Variants in SCFD2 observed in about 807,000 individuals in gnomAD.
The protein encoded by SCFD2 is sec1 family domain containing 2.
Under a neutral mutation model 58.9 loss-of-function variants are expected in SCFD2, and 54 were observed. That is an observed-to-expected ratio of 0.92 (90% CI 0.74 to 1.15). SCFD2 has a LOEUF of 1.15. SCFD2 is among the 50% of genes most tolerant of loss of function. The probability of loss-of-function intolerance (pLI) is 0.00; values close to 1 mark genes in which losing one functional copy is unlikely to be tolerated. For synonymous variants in SCFD2, 321 were observed against 335.9 expected (o/e 0.96, Z 0.49); for missense variants, 805 against 836.6 (o/e 0.96, Z 0.47).
intron 4 of SCFD2, among the ~76,000 whole-genome samples, chr4:53,204,718 G>T (rs919381799): frequency 6.8e-6 from 1 of 146,334 alleles, no homozygotes; most frequent in Non-Finnish European, 1.5e-5. Context: ...CAGCATACTA[G>T]ATGAAAACAG....
intron 3 of SCFD2, among the ~76,000 whole-genome samples, chr4:53,300,715 G>C (rs1421644427): frequency 6.6e-6 from 1 of 151,948 alleles, no homozygotes; most frequent in Non-Finnish European, 1.5e-5. Flanking sequence ...CACTCCTCAG[G>C]AAACGTAAAA....
intron 7 of SCFD2, among the ~76,000 whole-genome samples, chr4:52,886,561 T>C (rs1267245753): frequency 2.6e-5 from 4 of 151,988 alleles, no homozygotes; most frequent in Non-Finnish European, 4.4e-5. Context: ...GTGGGCCGAG[T>C]AGGTGGGGCA....
chr4:53,052,891 G>T (rs886460221), intron 5 of SCFD2, among the ~76,000 whole-genome samples: 1 of 152,132 alleles, frequency 6.6e-6, no homozygotes, highest in Non-Finnish European at 1.5e-5. Flanking sequence ...ACACAAAAGA[G>T]CACACGCTGT....
At chr4:53,220,194 A>C (rs1729006722) in intron 4 of SCFD2, among the ~76,000 whole-genome samples, 1 of 152,186 alleles carries the variant, frequency 6.6e-6, no homozygotes, top group South Asian at 2.1e-4. Context: ...ATTTTTCTTC[A>C]TAGCACTGAT....
At chr4:53,201,248 C>T (rs1427631941) in intron 4 of SCFD2, among the ~76,000 whole-genome samples, 18 of 142,644 alleles carry the variant, frequency 1.3e-4, no homozygotes, top group African/African-American at 4.6e-4. Context: ...TTGTTCAATT[C>T]CCACCTATGA....
chr4:53,304,898 A>G (rs1034175414), intron 3 of SCFD2, among the ~76,000 whole-genome samples: 2 of 152,024 alleles, frequency 1.3e-5, no homozygotes, highest in Non-Finnish European at 2.9e-5. Context: ...TTTGGAGGAG[A>G]AGAGATGTTC....
At chr4:52,914,552 G>C (rs576243201) in intron 6 of SCFD2, among the ~76,000 whole-genome samples, 1 of 152,100 alleles carries the variant, frequency 6.6e-6, no homozygotes, top group African/African-American at 2.4e-5. Flanking sequence ...ATGCTCCCCT[G>C]ATGGGGAGCT....
At position 53,279,965 on chromosome 4, in the gene SCFD2, G is replaced by A. The variant is rs534060496; in HGVS notation, c.1136-5964C>T. On this transcript the variant is annotated intron_variant, in intron 3 of 8. Transcript: ENST00000401642. ...ACCTGGTCTCTCCCTGGGGATTATGGGGATTACAATTCAACATGAGATTTG... is the reference window on the plus strand; with the variant it reads ...ACCTGGTCTCTCCCTGGGGATTATGAGGATTACAATTCAACATGAGATTTG... Among the ~76,000 whole-genome samples, 24 of 152,256 alleles carry A rather than the reference G, an allele frequency of 1.6e-4. No individual in the cohort carries two copies. In the South Asian group the frequency reaches 4.8e-3, roughly 30 times the overall value.
intron 3 of SCFD2, among the ~76,000 whole-genome samples, chr4:53,294,995 T>C (rs1376571210): frequency 6.6e-6 from 1 of 152,236 alleles, no homozygotes. Context: ...TCCATTGGTC[T>C]ATATATCTGT....
Position 53,358,193 on chromosome 4 carries a change from A to G in SCFD2, c.839-5427T>C, listed in dbSNP as rs536929342. The stretch of plus-strand genomic sequence containing the variant: ...CACTTCAGTGTATCATAATCCCAGG[A>G]TTAAGAACCATCCACTGGAATGAGA... On this transcript the variant is annotated intron_variant, in intron 1 of 8. Coordinates refer to ENST00000401642, the MANE Select transcript of SCFD2 (RefSeq NM_152540.4). 2.0e-5 allele frequency among the ~76,000 whole-genome samples: 3 copies of G among 152,292 alleles called. No individual in the cohort carries two copies. In the East Asian group the frequency reaches 5.8e-4, roughly 29 times the overall value.
chr4:53,137,555 A>G (rs1391812371), intron 5 of SCFD2, among the ~76,000 whole-genome samples: 2 of 152,192 alleles, frequency 1.3e-5, no homozygotes, highest in South Asian at 2.1e-4. Context: ...GTAAAATAAG[A>G]GTTTGATAAA....
intron 6 of SCFD2, among the ~76,000 whole-genome samples, chr4:52,913,588 T>G (rs1048769567): frequency 6.6e-6 from 1 of 152,196 alleles, no homozygotes; most frequent in Admixed American, 6.5e-5. Flanking sequence ...TATATCACAA[T>G]GTAATAATAG....
In SCFD2 at chr4:53,313,735, C is replaced by A; in HGVS notation, c.1036G>T (p.Ala346Ser). 1 of 1,614,056 alleles carries A rather than the reference C, an allele frequency of 6.2e-7. No individual in the cohort carries two copies. Among genetic ancestry groups the A allele is most frequent in the South Asian group, 1.1e-5 (1 of 91,076 alleles). Reference sequence around the variant, plus strand: ...TCTTTGTGCTTAGTGTTCAGTAAAGCTTCCCATAGGGCTTTGGCTGTGGTG... The same window carrying A: ...TCTTTGTGCTTAGTGTTCAGTAAAGATTCCCATAGGGCTTTGGCTGTGGTG... ...SDTTAKALWE[A>S]LLNTKHKEAV... is the part of the protein sequence containing the mutation. The change falls in exon 3 of 9, where the codon GCT becomes TCT. Residue 346 changes from alanine (A) to serine (S), a missense_variant. By Grantham distance (99) the Ala-to-Ser change is moderately conservative (BLOSUM62 1). Transcript: ENST00000401642.
At chr4:53,265,099 T>C (rs986491385) in intron 4 of SCFD2, among the ~76,000 whole-genome samples, 1 of 152,190 alleles carries the variant, frequency 6.6e-6, no homozygotes, top group African/African-American at 2.4e-5. Flanking sequence ...GCTTCCTTAA[T>C]ACATTGTTTG....
At chr4:53,335,823 T>G (rs1216494673) in intron 2 of SCFD2, among the ~76,000 whole-genome samples, 1 of 152,180 alleles carries the variant, frequency 6.6e-6, no homozygotes, top group South Asian at 2.1e-4. Context: ...GAAATACTAC[T>G]CTAAGTAAAT....
At chr4:53,179,672 G>C (rs1258597428) in intron 4 of SCFD2, among the ~76,000 whole-genome samples, 1 of 152,080 alleles carries the variant, frequency 6.6e-6, no homozygotes, top group Non-Finnish European at 1.5e-5. Flanking sequence ...AATGTAAATG[G>C]ACTAAATGCT....
At chr4:53,258,547 T>C (rs1269512223) in intron 4 of SCFD2, among the ~76,000 whole-genome samples, 2 of 22,858 alleles carry the variant, frequency 8.7e-5, no homozygotes, top group East Asian at 9.9e-4. Context: ...TGTATATATA[T>C]ATATATATAT....
intron 4 of SCFD2, among the ~76,000 whole-genome samples, chr4:53,165,709 T>A (rs1293484789): frequency 2.0e-5 from 3 of 152,248 alleles, no homozygotes; most frequent in Non-Finnish European, 4.4e-5. Context: ...CTGATTTCAC[T>A]AAAACACTCA....
At chr4:53,061,427 T>C (rs1723506728) in intron 5 of SCFD2, among the ~76,000 whole-genome samples, 1 of 152,152 alleles carries the variant, frequency 6.6e-6, no homozygotes, top group South Asian at 2.1e-4. Flanking sequence ...GTAGCCTGTA[T>C]CCAGAGCTCC....
Sources: gnomAD v4.1 joint callset for allele counts (sites outside exome capture counted in the v4.1 genomes callset) on GRCh38, gnomAD v4.1.1 for gene constraint, MANE v1.5 for transcripts, NCBI Gene and HGNC (gene_info 2026-07-23, HGNC 2026-07-21) for gene names.